Variants in C12orf43 observed in about 807,000 individuals in gnomAD.
The protein encoded by C12orf43 is chromosome 12 open reading frame 43.
In C12orf43, 15 loss-of-function variants were observed where a neutral mutation model predicts 20.6. That is an observed-to-expected ratio of 0.73 (90% CI 0.49 to 1.12). C12orf43 has a LOEUF of 1.12. Ranked by LOEUF, C12orf43 falls within the 50% of genes most tolerant of loss-of-function variation. The probability of loss-of-function intolerance (pLI) is 0.00; values close to 1 mark genes in which losing one functional copy is unlikely to be tolerated. For synonymous variants in C12orf43, 144 were observed against 130.8 expected, an observed-to-expected ratio of 1.10 and a Z score of -0.69; for missense variants, 334 against 344.4, an observed-to-expected ratio of 0.97 and a Z score of 0.24.
intron 3 of C12orf43, among the ~76,000 whole-genome samples, chr12:121,007,987 G>A (rs182724539): frequency 3.6e-4 from 54 of 149,144 alleles, no homozygotes; most frequent in Admixed American, 2.0e-3. Context: ...CTATCATCTA[G>A]TAGGTAGAGG....
In C12orf43 at chr12:121,016,446, T is replaced by A; in HGVS notation, c.29A>T (p.Asp10Val). The change falls in exon 1 of 6, where the codon GAT becomes GTT. Residue 10 changes from aspartate to valine, a missense_variant. Physicochemically the swap from Asp to Val is radical, Grantham distance 152. Transcript: ENST00000288757. ...GCTACTGCTGTTACTACTTTCCGAA[T>A]CGCTCACTGTGCCACTGGGCGCCGC... MAAPSGTVS[D>V]SESSNSSSDA... 6.2e-7 allele frequency: 1 copy of A among 1,614,074 alleles called. No homozygotes were observed. Among genetic ancestry groups the A allele is most frequent in the Non-Finnish European group, 8.5e-7 (1 of 1,180,024 alleles).
chr12:121,001,657 A>G lies in C12orf43; in HGVS notation c.*2496T>C. The G allele has an allele frequency of 2.2e-6, 1 of 456,902 alleles. No individual in the cohort carries two copies. Among genetic ancestry groups the G allele is most frequent in the Non-Finnish European group, 4.2e-6 (1 of 237,358 alleles). 28.3% of individuals were successfully genotyped at this position (456,902 alleles called of 1,614,324 possible). A position where few individuals can be genotyped will look rare whatever the true frequency, so the allele number is the denominator to read the frequency against. On this transcript the variant is annotated 3_prime_UTR_variant, in exon 6 of 6. Transcript: ENST00000288757. ...ATCAGCGTGGCCTTGTTCTGTCACC[A>G]ATGTACCCACCGGGCCACTCCTTCC...
chr12:121,006,528 G>A (rs1878040181), intron 3 of C12orf43, 134 bp from the exon 4 acceptor site: 2 of 791,792 alleles, frequency 2.5e-6, no homozygotes, highest in Non-Finnish European at 4.3e-6. Flanking sequence ...CTAGTAAGAG[G>A]GCTGATGGTC....
At chr12:121,014,645 CAA>C (rs58063900) in intron 1 of C12orf43, among the ~76,000 whole-genome samples, 56,803 of 117,676 alleles carry the variant, frequency 0.48, 13,516 homozygotes, top group East Asian at 0.86. Flanking sequence ...AAAAAAAATG[CAA>C]AAAAAAAAAA....
At position 121,005,081 on chromosome 12, in the gene C12orf43, A is replaced by G; in HGVS notation, c.374T>C (p.Phe125Ser). 1 of 1,431,186 alleles carries G rather than the reference A, an allele frequency of 7.0e-7. No individual in the cohort carries two copies. The highest frequency in any genetic ancestry group is 1.5e-5 in the South Asian group (1 of 65,132). The allele number at this position is 1,431,186 out of a possible 1,614,324, so 88.7% of individuals were successfully genotyped here. ...ACGGCCTCCAGGGACAGATGTGAAG[A>G]AAAGGCGGAAACCTAAGATTCAATG... ...VALEDDGFRLFFTSVPGGREK... is the reference protein window; with the variant it reads ...VALEDDGFRLSFTSVPGGREK... The change falls in exon 5 of 6, where the codon TTC becomes TCC. Residue 125 changes from phenylalanine (F) to serine (S), a missense_variant. Physicochemically the swap from Phe to Ser is radical, Grantham distance 155. Transcript: ENST00000288757. This position sits in a 1 kb window ranked among gnomAD's most constrained non-coding sequence, Gnocchi z 5.6.
chr12:121,014,590 A>G (rs1434929068), intron 1 of C12orf43, among the ~76,000 whole-genome samples: 1 of 134,990 alleles, frequency 7.4e-6, no homozygotes, highest in Non-Finnish European at 1.5e-5. Context: ...AGATCGTGCC[A>G]TTGCACTGCA....
intron 3 of C12orf43, 94 bp from the exon 4 acceptor site, chr12:121,006,488 T>G: frequency 3.2e-6 from 4 of 1,241,308 alleles, no homozygotes; most frequent in Non-Finnish European, 3.6e-6. Context: ...GGGTATGTGA[T>G]TGTAAATGCA....
intron 3 of C12orf43, among the ~76,000 whole-genome samples, chr12:121,009,223 T>C (rs1361765040): frequency 2.0e-5 from 3 of 152,120 alleles, no homozygotes; most frequent in Non-Finnish European, 4.4e-5. Flanking sequence ...AGCCGGTGGA[T>C]CACTTGAAGT....
At chr12:121,008,263 TAGC>T (rs1165502643) in intron 3 of C12orf43, among the ~76,000 whole-genome samples, 1 of 152,024 alleles carries the variant, frequency 6.6e-6, no homozygotes, top group African/African-American at 2.4e-5. Context: ...GCCTCCCAAG[TAGC>T]TGGGATAACA....
In C12orf43 at chr12:121,001,560, C is replaced by T; in HGVS notation, c.*2593G>A. 1 of 442,474 alleles carries T rather than the reference C, an allele frequency of 2.3e-6. No homozygotes were observed. The highest frequency in any genetic ancestry group is 2.0e-5 in the African/African-American group (1 of 50,958). The allele number at this position is 442,474 out of a possible 1,614,324, so 27.4% of individuals were successfully genotyped here. A position where few individuals can be genotyped will look rare whatever the true frequency, so the allele number is the denominator to read the frequency against. On this transcript the variant is annotated 3_prime_UTR_variant, in exon 6 of 6. Transcript: ENST00000288757. ...ATGGAGAGCCCTGGGACCGCTACAC[C>T]ACTCTGGCAGCCACACTTCTCAGGA...
chr12:121,010,726 C>A, intron 3 of C12orf43, 102 bp downstream of exon 3: 1 of 812,074 alleles, frequency 1.2e-6, no homozygotes, highest in Non-Finnish European at 1.8e-6. Context: ...TGCCAGGTGC[C>A]TGCCACCGTG....
At chr12:121,007,311 T>A (rs1456562802) in intron 3 of C12orf43, 2 of 152,178 alleles carry the variant, frequency 1.3e-5, no homozygotes, top group African/African-American at 4.8e-5. Context: ...ACATCACAAC[T>A]AGGAAATGCA....
chr12:121,007,869 C>A (rs974483711), intron 3 of C12orf43, among the ~76,000 whole-genome samples: 15 of 152,066 alleles, frequency 9.9e-5, no homozygotes, highest in Middle Eastern at 3.2e-3. Flanking sequence ...ATGATGCCAC[C>A]CAGGCACCTG....
intron 1 of C12orf43, among the ~76,000 whole-genome samples, chr12:121,014,155 C>T (rs769890933): frequency 6.6e-6 from 1 of 151,854 alleles, no homozygotes; most frequent in African/African-American, 2.4e-5. Context: ...CGGTGAAACC[C>T]TGTCTCTAAT....
In C12orf43 at chr12:121,004,202, G is replaced by C. The variant is rs748623340; in HGVS notation, c.740C>G (p.Thr247Ser). 1 of 1,614,218 alleles carries C rather than the reference G, an allele frequency of 6.2e-7. No individual in the cohort carries two copies. The highest frequency in any genetic ancestry group is 1.1e-5 in the South Asian group (1 of 91,084). The change falls in exon 6 of 6, where the codon ACC becomes AGC. Residue 247 changes from threonine (T) to serine (S), a missense_variant. Thr to Ser is a moderately conservative substitution (Grantham distance 58). Transcript: ENST00000288757. The surrounding 1 kb of genome is among the most constrained non-coding windows in gnomAD (Gnocchi z 5.6). ...ACTCTTTGCTGGTGGGAATGGAGAG[G>C]TCTCGCTGGCCTTCTTTGCCTTTTT... ...KKKKAKKASE[T>S]SPFPPAKSAT... is the part of the protein sequence containing the mutation.
chr12:121,006,279 G>A, intron 4 of C12orf43, 42 bp downstream of exon 4: 5 of 1,537,472 alleles, frequency 3.3e-6, no homozygotes, highest in Non-Finnish European at 3.6e-6. Context: ...CACACATTAG[G>A]TGCTTAATAA....
intron 1 of C12orf43, among the ~76,000 whole-genome samples, chr12:121,013,832 G>A (rs1868619504): frequency 1.3e-5 from 2 of 152,180 alleles, no homozygotes; most frequent in Admixed American, 6.5e-5. Flanking sequence ...CTGGGTTTAC[G>A]CCTGGTTCTG....
At chr12:121,009,048 G>A (rs951254853) in intron 3 of C12orf43, among the ~76,000 whole-genome samples, 1 of 152,214 alleles carries the variant, frequency 6.6e-6, no homozygotes, top group African/African-American at 2.4e-5. Flanking sequence ...AGATTGCAGT[G>A]TTTCTCACGC....
At chr12:121,010,759 C>T in intron 3 of C12orf43, 69 bp downstream of exon 3, 1 of 1,287,616 alleles carries the variant, frequency 7.8e-7, no homozygotes, top group Non-Finnish European at 1.0e-6. Context: ...CCGTGAGCTC[C>T]CAGCCAATGT....
Sources: allele counts gnomAD v4.1 joint callset (sites outside exome capture counted in the v4.1 genomes callset), GRCh38; gene constraint gnomAD v4.1.1; non-coding constraint Gnocchi (gnomAD v3.1); transcripts MANE v1.5; gene names NCBI Gene and HGNC (gene_info 2026-07-23, HGNC 2026-07-21).